Variants in LRRC69 observed in about 807,000 individuals in gnomAD.
The protein encoded by LRRC69 is leucine-rich repeat-containing protein 69.
Under a neutral mutation model 37.8 loss-of-function variants are expected in LRRC69, and 42 were observed. The observed-to-expected ratio is 1.11, with a 90% CI of 0.87 to 1.44. LRRC69 has a LOEUF of 1.44. Among genes scored for constraint, LRRC69 ranks in the 40% most tolerant of loss-of-function variants. LRRC69 has a pLI of 0.00. For synonymous variants in LRRC69, 141 were observed against 143.1 expected (o/e 0.99, Z 0.11); for missense variants, 357 against 401.9 (o/e 0.89, Z 0.96).
chr8:91,197,153 CG>C (rs998242314), intron 6 of LRRC69, among the ~76,000 whole-genome samples: 22 of 152,258 alleles, frequency 1.4e-4, no homozygotes, highest in African/African-American at 5.3e-4. Context: ...TTAGGCTACT[CG>C]GGGGTCAGGG....
At chr8:91,117,900 A>G (rs1813540304) in intron 1 of LRRC69, among the ~76,000 whole-genome samples, 1 of 151,814 alleles carries the variant, frequency 6.6e-6, no homozygotes, top group African/African-American at 2.4e-5. Context: ...AGTGGTCAGT[A>G]TGGTCAGGGG....
At chr8:91,131,094 AT>A (rs1469068819) in intron 3 of LRRC69, among the ~76,000 whole-genome samples, 1 of 152,038 alleles carries the variant, frequency 6.6e-6, no homozygotes, top group African/African-American at 2.4e-5. Context: ...CCAATACCAT[AT>A]GATCTTGATT....
chr8:91,161,235 G>A (rs963295953), intron 5 of LRRC69, among the ~76,000 whole-genome samples: 5 of 151,246 alleles, frequency 3.3e-5, no homozygotes, highest in African/African-American at 1.2e-4. Flanking sequence ...TGTTCATCAA[G>A]GTTATTCATT....
At chr8:91,189,554 T>C in exon 6 of LRRC69, 4 of 1,551,108 alleles carry the variant, frequency 2.6e-6, no homozygotes, top group East Asian at 2.4e-5. Context: ...AATTCTACTG[T>C]GAGGGAAACC....
At chr8:91,188,689 G>A (rs1809441995) in intron 5 of LRRC69, among the ~76,000 whole-genome samples, 1 of 152,156 alleles carries the variant, frequency 6.6e-6, no homozygotes, top group Admixed American at 6.6e-5. Flanking sequence ...CTGTAAGAGA[G>A]TAAGACATTG....
chr8:91,195,175 G>C (rs887926363), intron 6 of LRRC69, among the ~76,000 whole-genome samples: 1 of 151,926 alleles, frequency 6.6e-6, no homozygotes, highest in Non-Finnish European at 1.5e-5. Context: ...TCTTAATCCT[G>C]AGTTCTAGTT....
chr8:91,163,388 T>C (rs1808978559), intron 5 of LRRC69, among the ~76,000 whole-genome samples: 1 of 151,476 alleles, frequency 6.6e-6, no homozygotes, highest in Admixed American at 6.6e-5. Context: ...ATAATAAGCA[T>C]ACATAATAAG....
chr8:91,158,822 G>A lies in LRRC69; in HGVS notation c.651+23083G>A. ...GATTCATAACAATGTATGTGAAAGT[G>A]TAAAATAGAATGTTACTTTGGAATG... is the stretch of plus-strand genomic sequence containing the variant. On this transcript the variant is annotated intron_variant, in intron 5 of 7. Coordinates refer to ENST00000448384, the Ensembl canonical transcript of LRRC69. 4.3e-6 allele frequency: 3 copies of A among 702,632 alleles called. No homozygotes were observed. In the South Asian group the frequency reaches 4.6e-5, roughly 11 times the overall value. 43.5% of individuals were successfully genotyped at this position (702,632 alleles called of 1,614,324 possible).
intron 5 of LRRC69, among the ~76,000 whole-genome samples, chr8:91,144,455 C>A (rs1272703610): frequency 6.6e-6 from 1 of 151,986 alleles, no homozygotes; most frequent in Non-Finnish European, 1.5e-5. Context: ...TCCCTGGCTC[C>A]TTGCCTTTGG....
chr8:91,206,777 G>A (rs1334911323), intron 7 of LRRC69: 14 of 1,289,538 alleles, frequency 1.1e-5, no homozygotes, highest in Admixed American at 4.6e-5. Context: ...TATGTCACCT[G>A]GAATACCTCA....
chr8:91,191,679 A>T (rs1255828765), intron 6 of LRRC69, among the ~76,000 whole-genome samples: 1 of 152,018 alleles, frequency 6.6e-6, no homozygotes, highest in South Asian at 2.1e-4. Flanking sequence ...GGGTTGGAGG[A>T]GGTTCTGGTT....
At chr8:91,205,240 A>G (rs1002339943) in intron 7 of LRRC69, among the ~76,000 whole-genome samples, 8 of 152,170 alleles carry the variant, frequency 5.3e-5, no homozygotes, top group African/African-American at 1.9e-4. Flanking sequence ...AACACAATAT[A>G]TGAGCCAGAA....
chr8:91,211,390 G>A (rs1211610451), intron 7 of LRRC69, among the ~76,000 whole-genome samples: 2 of 151,262 alleles, frequency 1.3e-5, no homozygotes, highest in Admixed American at 1.3e-4. Flanking sequence ...GATTGATAAA[G>A]AAAATTGAGA....
chr8:91,134,626 T>G (rs185642446), intron 4 of LRRC69, among the ~76,000 whole-genome samples: 2 of 152,066 alleles, frequency 1.3e-5, no homozygotes, highest in African/African-American at 4.8e-5. Context: ...AATAAAGCTT[T>G]ACCAGCATTG....
At chr8:91,205,375 A>G (rs993244693) in intron 7 of LRRC69, 1 of 152,322 alleles carries the variant, frequency 6.6e-6, no homozygotes, top group Non-Finnish European at 1.5e-5. Context: ...TAGTTCATTT[A>G]TAATCCTGTA....
intron 5 of LRRC69, among the ~76,000 whole-genome samples, chr8:91,147,895 T>C (rs938984908): frequency 6.6e-6 from 1 of 151,636 alleles, no homozygotes; most frequent in Non-Finnish European, 1.5e-5. Flanking sequence ...GTGTGTATTG[T>C]TCCCTTCCCT....
chr8:91,164,476 A>G (rs949707919), intron 5 of LRRC69, among the ~76,000 whole-genome samples: 1 of 151,508 alleles, frequency 6.6e-6, no homozygotes, highest in Non-Finnish European at 1.5e-5. Context: ...GTAGAAGGCT[A>G]CTCTTCAGTC....
intron 3 of LRRC69, among the ~76,000 whole-genome samples, chr8:91,128,673 G>C (rs1182226937): frequency 6.6e-6 from 1 of 152,034 alleles, no homozygotes; most frequent in Non-Finnish European, 1.5e-5. Flanking sequence ...TATATTTAGG[G>C]TTGAGCCTTG....
chr8:91,128,941 G>C (rs1280190002), intron 3 of LRRC69, among the ~76,000 whole-genome samples: 1 of 152,020 alleles, frequency 6.6e-6, no homozygotes, highest in African/African-American at 2.4e-5. Flanking sequence ...GCAGAGGAGG[G>C]CTAGCAGGGA....
Sources: allele counts gnomAD v4.1 joint callset (sites outside exome capture counted in the v4.1 genomes callset), GRCh38; gene constraint gnomAD v4.1.1; transcripts MANE v1.5; gene names NCBI Gene and HGNC (gene_info 2026-07-23, HGNC 2026-07-21).